The following CNTNAP2 variants were observed in gnomAD, a reference collection of about 807,000 sequenced individuals.
The protein encoded by CNTNAP2 is contactin associated protein 2.
In CNTNAP2, 98 loss-of-function variants were observed where a neutral mutation model predicts 155.2. That is an observed-to-expected ratio of 0.63 (90% CI 0.54 to 0.75). The LOEUF is 0.75. Among genes scored for constraint, CNTNAP2 ranks in the 30% least tolerant of loss-of-function variants. The pLI is 0.00. For missense variants in CNTNAP2, 1,727 were observed against 1,688.1 expected (o/e 1.02, Z -0.40); for synonymous variants, 651 against 631.2 (o/e 1.03, Z -0.47).
intron 1 of CNTNAP2, among the ~76,000 whole-genome samples, chr7:146,143,816 A>G (rs939741362): frequency 2.0e-5 from 3 of 151,714 alleles, no homozygotes; most frequent in Non-Finnish European, 4.4e-5. Context: ...AGGCTGGAGT[A>G]CAGTGGCACA....
rs567730430 is a variant in CNTNAP2 at position 147,212,514 on chromosome 7, T to C, written c.1348+80005T>C. Reference sequence around the variant, plus strand: ...AAAACCAAATACCCTATGTTCACAATTATAAGTGAGAGCTAAACATTGGTA... The same window carrying C: ...AAAACCAAATACCCTATGTTCACAACTATAAGTGAGAGCTAAACATTGGTA... On this transcript the variant is annotated intron_variant, in intron 8 of 23. Coordinates refer to ENST00000361727, the MANE Select transcript of CNTNAP2 (RefSeq NM_014141.6). Among the ~76,000 whole-genome samples the C allele has an allele frequency of 1.2e-4, 18 of 152,242 alleles. No individual in the cohort carries two copies. The South Asian group carries it at 3.7e-3, about 32-fold the overall frequency.
At chr7:147,058,799 G>A (rs1159382583) in intron 4 of CNTNAP2, among the ~76,000 whole-genome samples, 1 of 152,128 alleles carries the variant, frequency 6.6e-6, no homozygotes, top group Admixed American at 6.5e-5. Context: ...TAGAGACGGG[G>A]TTTCACCATG....
chr7:146,325,745 A>G (rs888724297), intron 1 of CNTNAP2, among the ~76,000 whole-genome samples: 1 of 152,046 alleles, frequency 6.6e-6, no homozygotes, highest in African/African-American at 2.4e-5. Context: ...CTTCATTCCT[A>G]CTTTCCCTGC....
chr7:147,958,916 T>A (rs1205169479), intron 14 of CNTNAP2, among the ~76,000 whole-genome samples: 1 of 152,102 alleles, frequency 6.6e-6, no homozygotes, highest in African/African-American at 2.4e-5. Flanking sequence ...TAGGGTGGAA[T>A]CTGTAATTCC....
At chr7:146,783,277 C>G (rs1215706730) in intron 2 of CNTNAP2, among the ~76,000 whole-genome samples, 1 of 152,058 alleles carries the variant, frequency 6.6e-6, no homozygotes, top group East Asian at 1.9e-4. Flanking sequence ...AAAGTATCAC[C>G]TTTGTTTTCC....
intron 1 of CNTNAP2, among the ~76,000 whole-genome samples, chr7:146,183,606 A>AAATAATAATAATAATAATAATAAT (rs55823511): frequency 7.0e-6 from 1 of 143,432 alleles, no homozygotes; most frequent in African/African-American, 2.6e-5. Context: ...ATCACCACAC[A>AAATAATAATAATAATAATAATAAT]AATAATAATA....
intron 8 of CNTNAP2, among the ~76,000 whole-genome samples, chr7:147,238,216 C>T (rs999372720): frequency 8.5e-5 from 13 of 152,122 alleles, no homozygotes; most frequent in South Asian, 4.1e-4. Flanking sequence ...GGGGTTTCAC[C>T]GTGTTGGCCA....
intron 10 of CNTNAP2, among the ~76,000 whole-genome samples, chr7:147,477,973 C>G (rs1039200210): frequency 6.6e-6 from 1 of 152,162 alleles, no homozygotes; most frequent in Admixed American, 6.5e-5. Flanking sequence ...TAACATCTAT[C>G]AGTTCAGTTT....
Position 148,217,424 on chromosome 7 carries a change from G to A in CNTNAP2, c.3147G>A (p.Glu1049=), listed in dbSNP as rs752754445. Residue 1049 remains glutamate, a synonymous_variant, in exon 19 of 24, where the codon GAG becomes GAA. Transcript: ENST00000361727. ...ACTCCCACCCGGACCTGGCACAGGA[G>A]GAGATCCGCTTCAGCTTCAGCACCA... ...QQNSHPDLAQ[E]EIRFSFSTTK... The A allele has an allele frequency of 3.1e-6, 5 of 1,614,174 alleles. 1 individual carries two copies. In the South Asian group the frequency reaches 5.5e-5, roughly 18 times the overall value.
In CNTNAP2 at chr7:148,076,422, C is replaced by CTT. The variant is rs771048326; in HGVS notation, c.2384-41666_2384-41665dup. The stretch of plus-strand genomic sequence containing the variant: ...TGTAGACCTATGATAGCTCTGACTT[C>CTT]TTTTTTTTTTTTTTTTTTTTTTTTT... On this transcript the variant is annotated intron_variant, in intron 15 of 23. Coordinates refer to ENST00000361727, the MANE Select transcript of CNTNAP2 (RefSeq NM_014141.6). Among the ~76,000 whole-genome samples the CTT allele has an allele frequency of 5.9e-3, 293 of 49,814 alleles. 2 individuals carry two copies. Among genetic ancestry groups the CTT allele is most frequent in the Middle Eastern group, 0.019 (1 of 52 alleles). The allele number at this position is 49,814 out of a possible 152,430, so 32.7% of individuals were successfully genotyped here. A position where few individuals can be genotyped will look rare whatever the true frequency, so the allele number is the denominator to read the frequency against.
intron 3 of CNTNAP2, among the ~76,000 whole-genome samples, chr7:146,962,593 G>A (rs1000561490): frequency 2.6e-5 from 4 of 152,210 alleles, no homozygotes; most frequent in East Asian, 1.9e-4. Context: ...CTCTGTTTCC[G>A]AGGCTGGAGT....
intron 10 of CNTNAP2, among the ~76,000 whole-genome samples, chr7:147,450,136 T>C (rs1797806093): frequency 6.6e-6 from 1 of 152,218 alleles, no homozygotes; most frequent in Admixed American, 6.5e-5. Flanking sequence ...ATCAGCCGAA[T>C]GTAATCACAT....
chr7:146,553,487 T>C (rs1333780130), intron 1 of CNTNAP2, among the ~76,000 whole-genome samples: 1 of 152,048 alleles, frequency 6.6e-6, no homozygotes, highest in Non-Finnish European at 1.5e-5. Context: ...ATAAGTGTTT[T>C]TCCTATAATT....
intron 15 of CNTNAP2, among the ~76,000 whole-genome samples, chr7:148,038,300 C>T (rs1239668417): frequency 1.3e-5 from 2 of 152,144 alleles, no homozygotes; most frequent in Non-Finnish European, 2.9e-5. Flanking sequence ...ATCCAGACTG[C>T]CTTGAACGCT....
At chr7:146,365,306 C>T (rs187531075) in intron 1 of CNTNAP2, among the ~76,000 whole-genome samples, 5 of 152,100 alleles carry the variant, frequency 3.3e-5, no homozygotes, top group Non-Finnish European at 7.4e-5. Flanking sequence ...TCAGCAGGGC[C>T]CACAGGATTG....
intron 21 of CNTNAP2, among the ~76,000 whole-genome samples, chr7:148,288,770 C>T (rs1215937328): frequency 6.6e-6 from 1 of 151,930 alleles, no homozygotes; most frequent in Admixed American, 6.6e-5. Context: ...AACCTTTCCA[C>T]CAAGACTTTT....
chr7:146,425,053 T>C (rs1796068737), intron 1 of CNTNAP2, among the ~76,000 whole-genome samples: 1 of 152,230 alleles, frequency 6.6e-6, no homozygotes, highest in African/African-American at 2.4e-5. Flanking sequence ...GGAAATGTGA[T>C]AGATCCACCA....
intron 2 of CNTNAP2, among the ~76,000 whole-genome samples, chr7:146,813,278 A>C (rs1354554298): frequency 2.0e-5 from 3 of 152,166 alleles, no homozygotes; most frequent in African/African-American, 7.2e-5. Context: ...ACTCAATGCC[A>C]GCCTATGAAA....
chr7:146,206,288 T>C (rs114464324), intron 1 of CNTNAP2, among the ~76,000 whole-genome samples: 2,236 of 152,004 alleles, frequency 0.015, 63 homozygotes, highest in African/African-American at 0.051. Context: ...AATAAATTGC[T>C]AGAAGAAAAC....
Sources: gnomAD v4.1 joint callset for allele counts (sites outside exome capture counted in the v4.1 genomes callset) on GRCh38, gnomAD v4.1.1 for gene constraint, MANE v1.5 for transcripts, NCBI Gene and HGNC (gene_info 2026-07-23, HGNC 2026-07-21) for gene names.